The following GRHL2 variants were observed in gnomAD, a reference collection of about 807,000 sequenced individuals.
GRHL2 encodes the protein grainyhead-like protein 2 homolog.
In GRHL2, 21 loss-of-function variants were observed where a neutral mutation model predicts 83.8. The observed-to-expected ratio is 0.25, with a 90% CI of 0.18 to 0.36. GRHL2 has a LOEUF of 0.36. Among genes scored for constraint, GRHL2 ranks in the 10% least tolerant of loss-of-function variants. The pLI, the probability that GRHL2 is intolerant of heterozygous loss-of-function variation, is 1.00. For synonymous variants in GRHL2, 280 were observed against 278.9 expected (o/e 1.00, Z -0.04); for missense variants, 623 against 781.8 (o/e 0.80, Z 2.42).
intron 7 of GRHL2, among the ~76,000 whole-genome samples, chr8:101,580,665 C>T (rs1055708014): frequency 7.9e-5 from 12 of 152,172 alleles, no homozygotes; most frequent in African/African-American, 2.9e-4. Flanking sequence ...CCAAGAATGC[C>T]AAAATGTGCA....
chr8:101,636,325 G>A (rs747677829), intron 11 of GRHL2, among the ~76,000 whole-genome samples: 7 of 152,172 alleles, frequency 4.6e-5, no homozygotes, highest in Non-Finnish European at 7.3e-5. Flanking sequence ...TTCCTGGCCT[G>A]AAGACTGTTG....
At chr8:101,655,217 T>TAAGA (rs755075219) in intron 14 of GRHL2, among the ~76,000 whole-genome samples, 31 of 150,806 alleles carry the variant, frequency 2.1e-4, no homozygotes, top group Admixed American at 5.3e-4. Context: ...AGTCTCCCTG[T>TAAGA]AAGAGTGAGG....
chr8:101,500,185 T>C (rs1205792228), intron 1 of GRHL2, among the ~76,000 whole-genome samples: 10 of 152,164 alleles, frequency 6.6e-5, no homozygotes. Context: ...TTTGGCAAAC[T>C]TGTCCAGGGA....
intron 14 of GRHL2, among the ~76,000 whole-genome samples, chr8:101,652,166 A>AC: frequency 6.6e-6 from 1 of 152,172 alleles, no homozygotes; most frequent in African/African-American, 2.4e-5. Context: ...TTCTCTTTAG[A>AC]CCAGGGCCTT....
intron 2 of GRHL2, among the ~76,000 whole-genome samples, chr8:101,548,729 A>G (rs1811316609): frequency 6.6e-6 from 1 of 152,210 alleles, no homozygotes; most frequent in Non-Finnish European, 1.5e-5. Flanking sequence ...GTAAAGCCAA[A>G]GTTTCAAAAA....
chr8:101,528,900 T>G, intron 1 of GRHL2: 1 of 318,570 alleles, frequency 3.1e-6, no homozygotes, highest in Non-Finnish European at 6.2e-6. Flanking sequence ...GACCTTTTGT[T>G]GAAACTGAAG....
chr8:101,503,873 G>T (rs963320070), intron 1 of GRHL2, among the ~76,000 whole-genome samples: 1 of 152,182 alleles, frequency 6.6e-6, no homozygotes, highest in Non-Finnish European at 1.5e-5. Flanking sequence ...AAAGTTAACA[G>T]TGGTTTTCTC....
intron 14 of GRHL2, among the ~76,000 whole-genome samples, chr8:101,653,245 G>A (rs1443684878): frequency 1.3e-5 from 2 of 152,114 alleles, no homozygotes; most frequent in East Asian, 1.9e-4. Flanking sequence ...TATCATTGTG[G>A]GGGGGCTTAT....
At chr8:101,546,150 G>A (rs887042432) in intron 2 of GRHL2, among the ~76,000 whole-genome samples, 8 of 151,944 alleles carry the variant, frequency 5.3e-5, no homozygotes, top group Non-Finnish European at 1.0e-4. Context: ...AAAGTGCTGG[G>A]ATTATAGGCG....
At chr8:101,626,726 T>C (rs974095819) in intron 9 of GRHL2, among the ~76,000 whole-genome samples, 5 of 152,074 alleles carry the variant, frequency 3.3e-5, no homozygotes, top group African/African-American at 1.2e-4. Flanking sequence ...ACAAATTTAG[T>C]ATCTGTAGCA....
At chr8:101,523,241 G>A (rs999606975) in intron 1 of GRHL2, among the ~76,000 whole-genome samples, 1 of 151,686 alleles carries the variant, frequency 6.6e-6, no homozygotes, top group African/African-American at 2.4e-5. Flanking sequence ...AGGAATGAAA[G>A]GGGATTTTTT....
At chr8:101,593,658 G>T (rs978316055) in intron 7 of GRHL2, among the ~76,000 whole-genome samples, 5 of 152,078 alleles carry the variant, frequency 3.3e-5, no homozygotes, top group African/African-American at 1.2e-4. Flanking sequence ...CCCAGAACCT[G>T]TAAATATGAC....
chr8:101,613,790 T>C (rs1198073950), intron 8 of GRHL2, among the ~76,000 whole-genome samples: 1 of 151,140 alleles, frequency 6.6e-6, no homozygotes, highest in Non-Finnish European at 1.5e-5. Context: ...TGATTATTTC[T>C]TATGTATACC....
At chr8:101,625,350 T>C (rs1813060722) in intron 9 of GRHL2, among the ~76,000 whole-genome samples, 1 of 151,954 alleles carries the variant, frequency 6.6e-6, no homozygotes, top group Non-Finnish European at 1.5e-5. Flanking sequence ...TAATAAATAA[T>C]AAGAAAAACA....
At chr8:101,519,597 C>A (rs2130039818) in intron 1 of GRHL2, among the ~76,000 whole-genome samples, 2 of 126,388 alleles carry the variant, frequency 1.6e-5, no homozygotes, top group Non-Finnish European at 1.7e-5. Context: ...TATGAAACAA[C>A]AAAAAACAAT....
chr8:101,588,147 A>C (rs1273542560), intron 7 of GRHL2, among the ~76,000 whole-genome samples: 1 of 152,216 alleles, frequency 6.6e-6, no homozygotes, highest in African/African-American at 2.4e-5. Flanking sequence ...TCATTGTTTA[A>C]CAATCCTGTG....
chr8:101,587,239 C>G (rs1035217898), intron 7 of GRHL2, among the ~76,000 whole-genome samples: 2 of 152,190 alleles, frequency 1.3e-5, no homozygotes, highest in African/African-American at 4.8e-5. Flanking sequence ...TGATATTTCT[C>G]CTACTCCTGG....
chr8:101,551,213 ATTTAT>A (rs1318422921), intron 2 of GRHL2, among the ~76,000 whole-genome samples: 1 of 152,190 alleles, frequency 6.6e-6, no homozygotes, highest in Admixed American at 6.5e-5. Flanking sequence ...TTTATAATTG[ATTTAT>A]TTTATTTTTT....
chr8:101,593,567 A>G (rs915552909), intron 7 of GRHL2, among the ~76,000 whole-genome samples: 2 of 152,198 alleles, frequency 1.3e-5, no homozygotes, highest in Non-Finnish European at 2.9e-5. Flanking sequence ...CTCAGATCAC[A>G]TGAGTTCTAA....
Sources: gnomAD v4.1 joint callset for allele counts (sites outside exome capture counted in the v4.1 genomes callset) on GRCh38, gnomAD v4.1.1 for gene constraint, MANE v1.5 for transcripts, NCBI Gene and HGNC (gene_info 2026-07-23, HGNC 2026-07-21) for gene names.